The following PKHD1L1 variants were observed in gnomAD, a reference collection of about 807,000 sequenced individuals.
PKHD1L1 encodes PKHD1 like 1, also known as fibrocystin-L.
PKHD1L1 carries 434 observed loss-of-function variants against 462.9 expected under a neutral mutation model. The observed-to-expected ratio is 0.94, with a 90% CI of 0.87 to 1.02. PKHD1L1 has a LOEUF of 1.02. Among genes scored for constraint, PKHD1L1 ranks in the 50% least tolerant of loss-of-function variants. The pLI is 0.00. For missense variants in PKHD1L1, 5,202 were observed against 5,096.1 expected (o/e 1.02, Z -0.63); for synonymous variants, 1,781 against 1,750.0 (o/e 1.02, Z -0.44).
chr8:109,452,764 C>A lies in PKHD1L1; in HGVS notation c.6554C>A (p.Ser2185Ter). 1 of 1,541,478 alleles carries A rather than the reference C, an allele frequency of 6.5e-7. No homozygotes were observed. The highest frequency in any genetic ancestry group is 8.7e-7 in the Non-Finnish European group (1 of 1,144,744). Residue 2185 changes from serine (S) to a stop codon, truncating the protein, a stop_gained, in exon 43 of 78, where the codon TCA (serine) becomes TAA (stop). Coordinates refer to ENST00000378402, the MANE Select transcript of PKHD1L1 (RefSeq NM_177531.6). LOFTEE classifies it high-confidence loss of function. ...LYVDAWSSNF[S>*]WGGKSPPEEG... The stretch of plus-strand genomic sequence containing the variant: ...GTTGATGCCTGGTCCTCCAATTTCT[C>A]ATGGGGGGGAAAATCTCCCCCAGAA...
intron 38 of PKHD1L1, 48 bp from the exon 39 acceptor site, chr8:109,448,094 GT>G: frequency 2.7e-6 from 4 of 1,468,298 alleles, no homozygotes; most frequent in Non-Finnish European, 2.7e-6. Context: ...AAATGGATGT[GT>G]ATTAATAGTT....
rs1240456504 is a variant in PKHD1L1, at chr8:109,444,985, A to G, written c.5116A>G (p.Asn1706Asp). ...TTTCCCATGTAAAGTTCTATCAGTG[A>G]ATTATACGGCCATTGAATGTGAAAC... ...GHFPCKVLSV[N>D]YTAIECETSP... Residue 1706 changes from asparagine to aspartate, a missense_variant, in exon 38 of 78, where the codon AAT (asparagine) becomes GAT (aspartate). By Grantham distance (23) the Asn-to-Asp change is conservative. Transcript: ENST00000378402. 1.9e-6 allele frequency: 3 copies of G among 1,613,970 alleles called. No homozygotes were observed. The highest frequency in any genetic ancestry group is 2.5e-6 in the Non-Finnish European group (3 of 1,179,872).
At position 109,405,086 on chromosome 8, in the gene PKHD1L1, G is replaced by T; in HGVS notation, c.1625G>T (p.Cys542Phe). ...VTSPCVEANS[C>F]SLYQYRLIYN... ...AGCCCATGTGTGGAAGCTAATTCAT[G>T]TTCACTTTACCAATATAGATTAATC... Residue 542 changes from cysteine to phenylalanine, a missense_variant, in exon 16 of 78, where the codon TGT becomes TTT. This residue lies in a region of PKHD1L1 where 4,497 missense variants were observed against 4,336.8 expected (regional missense o/e 1.04). Transcript: ENST00000378402. The T allele has an allele frequency of 1.3e-6, 2 of 1,512,846 alleles. No individual in the cohort carries two copies. The highest frequency in any genetic ancestry group is 2.4e-5 in the East Asian group (1 of 41,352). 93.7% of individuals were successfully genotyped at this position (1,512,846 alleles called of 1,614,324 possible).
chr8:109,425,479 G>T (rs1814696325), intron 24 of PKHD1L1, among the ~76,000 whole-genome samples: 1 of 151,664 alleles, frequency 6.6e-6, no homozygotes, highest in African/African-American at 2.4e-5. Context: ...CTTTTTAATA[G>T]ATTAGGAAAT....
rs1563544824 is a variant in PKHD1L1, at chr8:109,440,778, T to C, written c.4025T>C (p.Leu1342Ser). Reference sequence around the variant, plus strand: ...AGCATGTTTCCACAAAGAGGCTCCTTGTTTGGTGGAACTGAAATCACCATA... The same window carrying C: ...AGCATGTTTCCACAAAGAGGCTCCTCGTTTGGTGGAACTGAAATCACCATA... ...VTSMFPQRGS[L>S]FGGTEITIRG... Residue 1342 changes from leucine to serine, a missense_variant, in exon 33 of 78, where the codon TTG (leucine) becomes TCG (serine). Coordinates refer to ENST00000378402, the MANE Select transcript of PKHD1L1 (RefSeq NM_177531.6). The C allele has an allele frequency of 6.2e-7, 1 of 1,613,202 alleles. No homozygotes were observed. The highest frequency in any genetic ancestry group is 2.2e-5 in the East Asian group (1 of 44,806).
At position 109,523,318 on chromosome 8, in the gene PKHD1L1, G is replaced by A. The variant is rs201552718; in HGVS notation, c.12416G>A (p.Ser4139Asn). The A allele has an allele frequency of 3.6e-4, 573 of 1,612,628 alleles. No individual in the cohort carries two copies. The highest frequency in any genetic ancestry group is 4.7e-4 in the Non-Finnish European group (550 of 1,179,166). The change falls in exon 76 of 78, where the codon AGT becomes AAT. Residue 4139 changes from serine (S) to asparagine (N), a missense_variant. Physicochemically the swap from Ser to Asn is conservative, Grantham distance 46. Around this residue, in one of 3 missense-constraint regions of PKHD1L1, gnomAD observed 698 missense variants for 736.3 expected, o/e 0.95. Transcript: ENST00000378402. ...AATAATAACCAAGTCAATGGCCTTA[G>A]TGGAAATACAACAATTCCGTTTAGC... Reference protein sequence around the residue: ...DSNNNQVNGLSGNTTIPFSSC... With the variant: ...DSNNNQVNGLNGNTTIPFSSC...
At chr8:109,376,301 T>A (rs955157598) in intron 2 of PKHD1L1, among the ~76,000 whole-genome samples, 4 of 152,214 alleles carry the variant, frequency 2.6e-5, no homozygotes, top group African/African-American at 9.6e-5. Context: ...CTCCGAGCCA[T>A]GTGCAGGATA....
intron 8 of PKHD1L1, among the ~76,000 whole-genome samples, chr8:109,389,967 C>G (rs906096425): frequency 1.3e-5 from 2 of 151,826 alleles, no homozygotes; most frequent in African/African-American, 4.8e-5. Context: ...AAAGCTCATA[C>G]TACTTTTTTT....
intron 21 of PKHD1L1, among the ~76,000 whole-genome samples, chr8:109,416,315 A>C (rs1449026588): frequency 6.6e-6 from 1 of 152,228 alleles, no homozygotes; most frequent in Non-Finnish European, 1.5e-5. Context: ...TGTTTACACA[A>C]AGTTCATTAG....
intron 53 of PKHD1L1, among the ~76,000 whole-genome samples, chr8:109,477,990 T>C (rs1211505739): frequency 1.3e-5 from 2 of 152,198 alleles, no homozygotes; most frequent in East Asian, 1.9e-4. Context: ...ATGATGGTAC[T>C]AGCACATTCA....
intron 38 of PKHD1L1, among the ~76,000 whole-genome samples, chr8:109,446,136 C>T (rs1049200434): frequency 1.3e-5 from 2 of 152,050 alleles, no homozygotes; most frequent in African/African-American, 2.4e-5. Context: ...TTATAAAATA[C>T]GATTTTCTTA....
chr8:109,497,182 C>T lies in PKHD1L1; in HGVS notation c.10509C>T (p.Thr3503=). The change falls in exon 65 of 78, where the codon ACC becomes ACT. Residue 3503 remains threonine (T), a synonymous_variant. Coordinates refer to ENST00000378402, the MANE Select transcript of PKHD1L1 (RefSeq NM_177531.6). ...AGAGTGTGCACATTTATAATGTGAC[C>T]CTGGTTGACAATGGAATGGCCATTT... ...TTESVHIYNV[T]LVDNGMAIFP... is the part of the protein sequence containing the mutation. 1 of 1,613,308 alleles carries T rather than the reference C, an allele frequency of 6.2e-7. No homozygotes were observed. Among genetic ancestry groups the T allele is most frequent in the South Asian group, 1.1e-5 (1 of 91,026 alleles).
intron 45 of PKHD1L1, among the ~76,000 whole-genome samples, chr8:109,455,691 T>C (rs1319456718): frequency 6.6e-6 from 1 of 152,218 alleles, no homozygotes; most frequent in Admixed American, 6.5e-5. Flanking sequence ...ATTTTGATCA[T>C]GTTTGAGGTA....
intron 70 of PKHD1L1, among the ~76,000 whole-genome samples, chr8:109,509,435 C>G (rs182956239): frequency 8.6e-5 from 13 of 151,666 alleles, no homozygotes; most frequent in Admixed American, 7.9e-4. Context: ...AGACATATTT[C>G]TTCAATATGA....
chr8:109,364,495 G>T, intron 1 of PKHD1L1, 52 bp from the exon 2 acceptor site: 1 of 1,259,116 alleles, frequency 7.9e-7, no homozygotes, highest in South Asian at 1.3e-5. Flanking sequence ...TTTGATGACT[G>T]AAATGAAGAA....
chr8:109,466,724 C>T lies in PKHD1L1; in HGVS notation c.8560C>T (p.Pro2854Ser). 1.2e-6 allele frequency: 2 copies of T among 1,612,904 alleles called. No homozygotes were observed. Among genetic ancestry groups the T allele is most frequent in the Non-Finnish European group, 8.5e-7 (1 of 1,179,516 alleles). ...FHRLAFNQPS[P>S]VSLLEKDVVL... ...CCGTTTAGCGTTCAACCAGCCTTCT[C>T]CAGTATCTCTGCTTGAAAAGGATGT... Residue 2854 changes from proline (P) to serine (S), a missense_variant, in exon 50 of 78, where the codon CCA (proline) becomes TCA (serine). Pro to Ser is a moderately conservative substitution (Grantham distance 74). Transcript: ENST00000378402.
At chr8:109,505,278 A>G (rs1223191428) in intron 68 of PKHD1L1, among the ~76,000 whole-genome samples, 1 of 151,982 alleles carries the variant, frequency 6.6e-6, no homozygotes, top group Non-Finnish European at 1.5e-5. Context: ...TTGGTTACCT[A>G]TTGCTTCCAA....
intron 2 of PKHD1L1, among the ~76,000 whole-genome samples, chr8:109,367,178 T>G (rs1346101221): frequency 6.6e-6 from 1 of 152,210 alleles, no homozygotes; most frequent in African/African-American, 2.4e-5. Flanking sequence ...AAAATGATAA[T>G]GAATTTGCAA....
chr8:109,511,829 T>A (rs977422844), intron 71 of PKHD1L1, among the ~76,000 whole-genome samples: 1 of 152,150 alleles, frequency 6.6e-6, no homozygotes, highest in African/African-American at 2.4e-5. Flanking sequence ...AAAGTGTTCC[T>A]ATTTCTCCAC....
Sources: allele counts gnomAD v4.1 joint callset (sites outside exome capture counted in the v4.1 genomes callset), GRCh38; gene constraint gnomAD v4.1.1; regional missense constraint gnomAD v4.1.1; transcripts MANE v1.5; gene names NCBI Gene and HGNC (gene_info 2026-07-23, HGNC 2026-07-21).